PDSS2: variants seen among roughly 807,000 people sequenced by gnomAD.
PDSS2 encodes all trans-polyprenyl-diphosphate synthase PDSS2.
In PDSS2, 31 loss-of-function variants were observed where a neutral mutation model predicts 44.5. The ratio of observed to expected loss-of-function variants is 0.70; its 90% CI spans 0.52 to 0.94. The LOEUF (loss-of-function observed/expected upper bound fraction) is 0.94, where lower values mean the gene tolerates loss of function less well. PDSS2 is among the 40% of genes least tolerant of loss of function. PDSS2 has a pLI of 0.00. For missense variants in PDSS2, 452 were observed against 482.2 expected, an observed-to-expected ratio of 0.94 and a Z score of 0.59; for synonymous variants, 157 against 180.3, an observed-to-expected ratio of 0.87 and a Z score of 1.03.
chr6:107,329,288 C>T (rs2500577), intron 2 of PDSS2, among the ~76,000 whole-genome samples: 134,595 of 152,258 alleles, frequency 0.88, 61,039 homozygotes, highest in Non-Finnish European at 0.98. Context: ...GTGCGGCTAG[C>T]AGGTGGTGCA....
At chr6:107,251,243 T>C (rs1774807801) in intron 3 of PDSS2, among the ~76,000 whole-genome samples, 1 of 152,296 alleles carries the variant, frequency 6.6e-6, no homozygotes, top group South Asian at 2.1e-4. Flanking sequence ...TGTAATAAGG[T>C]AGTATGGTTG....
At chr6:107,210,275 A>G (rs1383212548) in intron 6 of PDSS2, among the ~76,000 whole-genome samples, 164 bp downstream of exon 6, 1 of 152,222 alleles carries the variant, frequency 6.6e-6, no homozygotes, top group Non-Finnish European at 1.5e-5. Context: ...AACTTTAACT[A>G]ATCTTTTACC....
chr6:107,405,574 G>A lies in PDSS2; in HGVS notation c.296+53416C>T, dbSNP rs573447071. 1.8e-4 allele frequency among the ~76,000 whole-genome samples: 28 copies of A among 152,228 alleles called. No homozygotes were observed. In the South Asian group the frequency reaches 2.1e-3, roughly 11 times the overall value. ...CACTTAAAAGATACAGAGGCCGGGC[G>A]CGGTGGCTCACGCCTGTAATCCCAG... On this transcript the variant is annotated intron_variant, in intron 1 of 7. Transcript: ENST00000369037.
intron 6 of PDSS2, among the ~76,000 whole-genome samples, chr6:107,200,350 G>C (rs1356495659): frequency 6.6e-6 from 1 of 152,138 alleles, no homozygotes; most frequent in African/African-American, 2.4e-5. Flanking sequence ...TAGAACACCA[G>C]ACCAGACCAG....
At chr6:107,402,479 C>CATATATATACGT (rs35496296) in intron 1 of PDSS2, among the ~76,000 whole-genome samples, 4 of 43,370 alleles carry the variant, frequency 9.2e-5, no homozygotes, top group Non-Finnish European at 1.5e-4. Flanking sequence ...TATATGTATA[C>CATATATATACGT]ATATATACGT....
intron 7 of PDSS2, among the ~76,000 whole-genome samples, chr6:107,179,033 T>A (rs1177179820): frequency 6.6e-6 from 1 of 152,206 alleles, no homozygotes; most frequent in Non-Finnish European, 1.5e-5. Flanking sequence ...AGTGTGTGTC[T>A]TAAACAGTGT....
intron 1 of PDSS2, among the ~76,000 whole-genome samples, chr6:107,435,248 C>T (rs531733564): frequency 6.7e-6 from 1 of 150,222 alleles, no homozygotes; most frequent in South Asian, 2.1e-4. Context: ...CACCATACTG[C>T]AGCCTAGGTG....
chr6:107,458,286 C>T (rs984523049), intron 1 of PDSS2, among the ~76,000 whole-genome samples: 5 of 151,546 alleles, frequency 3.3e-5, no homozygotes, highest in Non-Finnish European at 7.4e-5. Context: ...GAGATTGAGA[C>T]GATCCTGGCT....
intron 2 of PDSS2, among the ~76,000 whole-genome samples, chr6:107,327,296 G>C (rs1374115819): frequency 6.6e-6 from 1 of 152,142 alleles, no homozygotes; most frequent in Non-Finnish European, 1.5e-5. Flanking sequence ...CTGCTTAGAG[G>C]AAATGGAGTT....
At chr6:107,364,645 G>A (rs915049899) in intron 1 of PDSS2, among the ~76,000 whole-genome samples, 6 of 152,196 alleles carry the variant, frequency 3.9e-5, no homozygotes, top group Non-Finnish European at 7.4e-5. Flanking sequence ...CTCCCTGCAA[G>A]CTGAGGGAGT....
chr6:107,191,482 T>A (rs1266468964), intron 7 of PDSS2, among the ~76,000 whole-genome samples: 1 of 152,150 alleles, frequency 6.6e-6, no homozygotes, highest in Non-Finnish European at 1.5e-5. Context: ...CATGGTTGAC[T>A]GGTGGGATGA....
chr6:107,339,005 C>T (rs149179010), intron 1 of PDSS2, among the ~76,000 whole-genome samples: 79 of 151,926 alleles, frequency 5.2e-4, no homozygotes, highest in African/African-American at 1.7e-3. Context: ...ATTACAGGGG[C>T]GAACCACTGA....
intron 4 of PDSS2, among the ~76,000 whole-genome samples, chr6:107,230,575 G>T (rs1774009350): frequency 1.3e-5 from 2 of 152,058 alleles, no homozygotes; most frequent in Non-Finnish European, 2.9e-5. Flanking sequence ...AGCTAATCTA[G>T]ACTGGTAGCT....
At position 107,288,559 on chromosome 6, in the gene PDSS2, A is replaced by G. The variant is rs115336638; in HGVS notation, c.432-14332T>C. On this transcript the variant is annotated intron_variant, in intron 2 of 7. Coordinates refer to ENST00000369037, the MANE Select transcript of PDSS2 (RefSeq NM_020381.4). The stretch of plus-strand genomic sequence containing the variant: ...TTTTTGGACGTTTAAACAGATTTAG[A>G]TTTGGAGGGAAGTAGGGGATAGTCA... 7.0e-3 allele frequency among the ~76,000 whole-genome samples: 1,070 copies of G among 152,144 alleles called. 12 individuals are homozygous for G. The highest frequency in any genetic ancestry group is 0.025 in the African/African-American group (1,017 of 41,510).
At chr6:107,210,988 C>A (rs1480062558) in intron 5 of PDSS2, among the ~76,000 whole-genome samples, 1 of 142,196 alleles carries the variant, frequency 7.0e-6, no homozygotes, top group Admixed American at 7.1e-5. Context: ...AGCAAAACTC[C>A]GTCTCAAAAA....
chr6:107,207,184 G>A (rs9486561), intron 6 of PDSS2, among the ~76,000 whole-genome samples: 4,077 of 152,068 alleles, frequency 0.027, 184 homozygotes, highest in African/African-American at 0.092. Flanking sequence ...ACTAGAGACG[G>A]GGTTTCACCA....
intron 1 of PDSS2, among the ~76,000 whole-genome samples, chr6:107,365,757 T>C (rs1339764654): frequency 6.6e-6 from 1 of 152,166 alleles, no homozygotes; most frequent in Non-Finnish European, 1.5e-5. Context: ...GACACTTAGA[T>C]AAGAAATATT....
intron 2 of PDSS2, among the ~76,000 whole-genome samples, chr6:107,314,020 G>A (rs1438391301): frequency 2.0e-5 from 3 of 152,090 alleles, no homozygotes; most frequent in African/African-American, 7.2e-5. Flanking sequence ...CCAGCTACTA[G>A]GGAGGCTGGG....
At chr6:107,427,254 G>A (rs546749562) in intron 1 of PDSS2, among the ~76,000 whole-genome samples, 2 of 152,128 alleles carry the variant, frequency 1.3e-5, no homozygotes, top group Non-Finnish European at 2.9e-5. Flanking sequence ...CTTTTTGCCT[G>A]CTGCCATCCA....
Sources: gnomAD v4.1 joint callset for allele counts (sites outside exome capture counted in the v4.1 genomes callset) on GRCh38, gnomAD v4.1.1 for gene constraint, MANE v1.5 for transcripts, NCBI Gene and HGNC (gene_info 2026-07-23, HGNC 2026-07-21) for gene names.